Variants in ADAMTS17 observed in about 807,000 individuals in gnomAD.
ADAMTS17 encodes the protein ADAM metallopeptidase with thrombospondin type 1 motif 17, also known as A disintegrin and metalloproteinase with thrombospondin motifs 17.
ADAMTS17 carries 113 observed loss-of-function variants against 141.5 expected under a neutral mutation model. The observed-to-expected ratio is 0.80, with a 90% CI of 0.69 to 0.93. ADAMTS17 has a LOEUF of 0.93. Among genes scored for constraint, ADAMTS17 ranks in the 40% least tolerant of loss-of-function variants. The pLI, the probability that ADAMTS17 is intolerant of heterozygous loss-of-function variation, is 0.00. For synonymous variants in ADAMTS17, 768 were observed against 630.6 expected (o/e 1.22, Z -3.27); for missense variants, 1,659 against 1,517.9 (o/e 1.09, Z -1.54).
intron 18 of ADAMTS17, among the ~76,000 whole-genome samples, chr15:100,000,404 G>C (rs1377754430): frequency 6.6e-6 from 1 of 152,142 alleles, no homozygotes; most frequent in Non-Finnish European, 1.5e-5. Flanking sequence ...TTTCTACTCA[G>C]TCACGACTTT....
Position 100,173,015 on chromosome 15 carries a change from G to A in ADAMTS17, c.1182-17695C>T, listed in dbSNP as rs533274625. ...CTGTGCACATTAGAATCTCCTGGAA[G>A]GCTTGGGAAAACTAAGCCCAAGCGG... On this transcript the variant is annotated intron_variant, in intron 8 of 21. Transcript: ENST00000268070. 1.2e-4 allele frequency among the ~76,000 whole-genome samples: 18 copies of A among 152,282 alleles called. No individual in the cohort carries two copies. In the South Asian group the frequency reaches 3.7e-3, roughly 32 times the overall value.
At chr15:100,258,278 T>A (rs1238937257) in intron 6 of ADAMTS17, among the ~76,000 whole-genome samples, 7 of 152,232 alleles carry the variant, frequency 4.6e-5, no homozygotes, top group African/African-American at 1.7e-4. Context: ...TTTTGAGTTT[T>A]TGAGGTACCA....
At chr15:100,078,716 A>C (rs1001577120) in intron 15 of ADAMTS17, among the ~76,000 whole-genome samples, 22 of 152,238 alleles carry the variant, frequency 1.4e-4, no homozygotes, top group African/African-American at 4.8e-4. Context: ...AAAATAGTTT[A>C]ACTGGATTGC....
At chr15:100,323,661 A>C (rs901693799) in intron 3 of ADAMTS17, among the ~76,000 whole-genome samples, 12 of 152,212 alleles carry the variant, frequency 7.9e-5, no homozygotes, top group Admixed American at 2.0e-4. Flanking sequence ...TAGAAATTCA[A>C]AAATAAAAAC....
chr15:100,317,490 G>C (rs1378932075), intron 3 of ADAMTS17, among the ~76,000 whole-genome samples: 2 of 152,206 alleles, frequency 1.3e-5, no homozygotes, highest in Non-Finnish European at 1.5e-5. Flanking sequence ...GTTCTTCCAG[G>C]ATGGACCCTC....
At chr15:100,088,445 A>G (rs2140980301) in intron 15 of ADAMTS17, among the ~76,000 whole-genome samples, 1 of 152,362 alleles carries the variant, frequency 6.6e-6, no homozygotes, top group Non-Finnish European at 1.5e-5. Context: ...TGACATCTCC[A>G]TCAAGCTACC....
intron 8 of ADAMTS17, among the ~76,000 whole-genome samples, chr15:100,172,821 C>G (rs140003567): frequency 6.6e-6 from 1 of 152,358 alleles, no homozygotes; most frequent in Non-Finnish European, 1.5e-5. Context: ...AGCACCCTTT[C>G]TGCAGACAGT....
intron 18 of ADAMTS17, among the ~76,000 whole-genome samples, chr15:100,017,508 T>C (rs926258969): frequency 2.0e-5 from 3 of 152,244 alleles, no homozygotes; most frequent in Non-Finnish European, 2.9e-5. Context: ...AATGGCCTGC[T>C]TGGGGACCCA....
intron 3 of ADAMTS17, among the ~76,000 whole-genome samples, chr15:100,286,542 C>T (rs894749096): frequency 1.3e-5 from 2 of 152,150 alleles, no homozygotes; most frequent in African/African-American, 4.8e-5. Flanking sequence ...AGAGTTAAAG[C>T]ACAGAGCCCA....
chr15:100,008,695 A>C (rs2061090781), intron 18 of ADAMTS17, among the ~76,000 whole-genome samples: 1 of 152,214 alleles, frequency 6.6e-6, no homozygotes, highest in South Asian at 2.1e-4. Flanking sequence ...TCTGATCTGG[A>C]AAGCGAGATG....
At chr15:100,137,294 C>T (rs2038384153) in intron 10 of ADAMTS17, among the ~76,000 whole-genome samples, 1 of 152,168 alleles carries the variant, frequency 6.6e-6, no homozygotes, top group Non-Finnish European at 1.5e-5. Flanking sequence ...AGAAGGTGCA[C>T]TGGGGTGGGA....
intron 15 of ADAMTS17, among the ~76,000 whole-genome samples, chr15:100,083,857 G>T (rs774069607): frequency 2.6e-5 from 4 of 151,648 alleles, no homozygotes; most frequent in Non-Finnish European, 4.4e-5. Context: ...GCAAGGGCAA[G>T]GTTTTTGAGC....
At chr15:100,157,904 C>A (rs1173723755) in intron 8 of ADAMTS17, among the ~76,000 whole-genome samples, 1 of 109,780 alleles carries the variant, frequency 9.1e-6, no homozygotes, top group Non-Finnish European at 2.0e-5. Context: ...TTTTTTTTTT[C>A]CTGAGATGGA....
chr15:100,213,856 C>G (rs909810956), intron 7 of ADAMTS17, among the ~76,000 whole-genome samples: 15 of 152,228 alleles, frequency 9.9e-5, no homozygotes, highest in African/African-American at 3.6e-4. Flanking sequence ...TGGCCCCGTC[C>G]CAGCCGGGAC....
At chr15:100,213,718 T>C (rs2041880992) in intron 7 of ADAMTS17, among the ~76,000 whole-genome samples, 1 of 152,226 alleles carries the variant, frequency 6.6e-6, no homozygotes, top group Non-Finnish European at 1.5e-5. Context: ...GGCTGATCCA[T>C]GCCAACATAA....
intron 8 of ADAMTS17, among the ~76,000 whole-genome samples, chr15:100,170,431 G>T (rs549881634): frequency 6.6e-6 from 1 of 152,174 alleles, no homozygotes; most frequent in Non-Finnish European, 1.5e-5. Flanking sequence ...AGCACGCAGG[G>T]ACTCCTAAAT....
At chr15:100,301,071 GAA>G (rs2045015247) in intron 3 of ADAMTS17, among the ~76,000 whole-genome samples, 1 of 152,184 alleles carries the variant, frequency 6.6e-6, no homozygotes, top group African/African-American at 2.4e-5. Flanking sequence ...TAAAATAAGT[GAA>G]AGAGCAAATA....
At chr15:100,082,276 G>A (rs2034792475) in intron 15 of ADAMTS17, among the ~76,000 whole-genome samples, 1 of 152,176 alleles carries the variant, frequency 6.6e-6, no homozygotes, top group Admixed American at 6.5e-5. Context: ...ATGTTAGCCA[G>A]GATGGTCTCC....
At chr15:100,096,603 G>C in intron 14 of ADAMTS17, 127 bp from the exon 15 acceptor site, 2 of 1,171,778 alleles carry the variant, frequency 1.7e-6, no homozygotes, top group African/African-American at 1.5e-5. Context: ...GATCCATTCA[G>C]AGGCCCAAGA....
Sources: allele counts gnomAD v4.1 joint callset (sites outside exome capture counted in the v4.1 genomes callset), GRCh38; gene constraint gnomAD v4.1.1; transcripts MANE v1.5; gene names NCBI Gene and HGNC (gene_info 2026-07-23, HGNC 2026-07-21).